EDEM1: variants seen among roughly 807,000 people sequenced by gnomAD.
EDEM1 encodes ER degradation-enhancing alpha-mannosidase-like protein 1.
A neutral mutation model predicts 74.4 loss-of-function variants in EDEM1; 67 were observed. The observed-to-expected ratio is 0.90, with a 90% CI of 0.74 to 1.10. The LOEUF (loss-of-function observed/expected upper bound fraction) is 1.10. Among genes scored for constraint, EDEM1 ranks in the 50% least tolerant of loss-of-function variants. The pLI is 0.00. For synonymous variants in EDEM1, 382 were observed against 335.9 expected, an observed-to-expected ratio of 1.14 and a Z score of -1.50; for missense variants, 926 against 851.6, an observed-to-expected ratio of 1.09 and a Z score of -1.09.
intron 2 of EDEM1, among the ~76,000 whole-genome samples, chr3:5,197,236 C>T (rs1195072671): frequency 6.6e-6 from 1 of 152,110 alleles, no homozygotes; most frequent in East Asian, 1.9e-4. Context: ...AACACAGATT[C>T]CAAAGATACT....
intron 4 of EDEM1, 47 bp from the exon 5 acceptor site, chr3:5,202,919 T>A (rs2055050562): frequency 6.3e-7 from 1 of 1,579,210 alleles, no homozygotes; most frequent in African/African-American, 1.4e-5. Context: ...TTCAGCTCTG[T>A]GGATTCCTTG....
intron 6 of EDEM1, among the ~76,000 whole-genome samples, chr3:5,206,181 C>T (rs992849047): frequency 2.0e-5 from 3 of 151,032 alleles, no homozygotes; most frequent in African/African-American, 4.9e-5. Flanking sequence ...GTGGCTTCTA[C>T]GTAGTGTCAC....
At chr3:5,200,264 T>G (rs1311004976) in intron 3 of EDEM1, among the ~76,000 whole-genome samples, 4 of 152,206 alleles carry the variant, frequency 2.6e-5, no homozygotes, top group Non-Finnish European at 5.9e-5. Flanking sequence ...GTAAAATAGG[T>G]GTCTGTCTAG....
intron 1 of EDEM1, among the ~76,000 whole-genome samples, chr3:5,191,033 C>T (rs2054896453): frequency 6.6e-6 from 1 of 152,018 alleles, no homozygotes; most frequent in African/African-American, 2.4e-5. Context: ...GTGTTACAAA[C>T]AATCCAATTA....
rs184281153 is a variant in EDEM1, at chr3:5,210,394, G to A, written c.1583+146G>A. The A allele has an allele frequency of 1.9e-4, 141 of 761,088 alleles. 3 individuals carry two copies. Among genetic ancestry groups the A allele is most frequent in the Admixed American group, 1.5e-3 (61 of 41,484 alleles). 47.1% of individuals were successfully genotyped at this position (761,088 alleles called of 1,614,324 possible). The stretch of plus-strand genomic sequence containing the variant: ...ACAGGGAAATTGCTTACCTTTTGGT[G>A]TAGTAGAACCTTTCCATTGTACTGA... On this transcript the variant is annotated intron_variant, in intron 9 of 11. Transcript: ENST00000256497.
Position 5,195,284 on chromosome 3 carries a change from A to G in EDEM1, c.582+3A>G, listed in dbSNP as rs1250334474. The G allele has an allele frequency of 5.8e-6, 9 of 1,543,586 alleles. No homozygotes were observed. Among genetic ancestry groups the G allele is most frequent in the African/African-American group, 2.7e-5 (2 of 72,930 alleles). Reference sequence around the variant, plus strand: ...TTGATGCATTGGATACACTTGCAGTAAGTGTTCACCTTTTTTTAAAAAAAT... The same window carrying G: ...TTGATGCATTGGATACACTTGCAGTGAGTGTTCACCTTTTTTTAAAAAAAT... On this transcript the variant is annotated splice_donor_region_variant and intron_variant, in intron 2 of 11. Coordinates refer to ENST00000256497, the MANE Select transcript of EDEM1 (RefSeq NM_014674.3).
At position 5,210,573 on chromosome 3, in the gene EDEM1, AG is replaced by A. The variant is rs148323685; in HGVS notation, c.1583+326del. ...TATTATCACTGTAATCTCCACATAC[AG>A]AGAAAACTGTAGTCAGTATTGAAAT... On this transcript the variant is annotated intron_variant, in intron 9 of 11. Transcript: ENST00000256497. Among the ~76,000 whole-genome samples the A allele has an allele frequency of 3.3e-3, 504 of 152,346 alleles. 4 individuals are homozygous for A. The highest frequency in any genetic ancestry group is 0.011 in the African/African-American group (453 of 41,580).
Position 5,195,277 on chromosome 3 carries a change from T to G in EDEM1, c.578T>G (p.Leu193Arg). The G allele has an allele frequency of 1.9e-6, 3 of 1,550,056 alleles. No homozygotes were observed. Residue 193 changes from leucine to arginine, a missense_variant, in exon 2 of 12, where the codon CTT becomes CGT. Coordinates refer to ENST00000256497, the MANE Select transcript of EDEM1 (RefSeq NM_014674.3). ...ACTCTTGTTGATGCATTGGATACACTTGCAGTAAGTGTTCACCTTTTTTTA... is the reference window on the plus strand; with the variant it reads ...ACTCTTGTTGATGCATTGGATACACGTGCAGTAAGTGTTCACCTTTTTTTA... ...SLTLVDALDT[L>R]AIMGNSSEFQ...
intron 1 of EDEM1, 77 bp from the exon 2 acceptor site, chr3:5,195,132 T>G (rs1054411021): frequency 1.0e-5 from 8 of 793,246 alleles, no homozygotes; most frequent in Non-Finnish European, 1.5e-5. Flanking sequence ...CAATTATAGT[T>G]TCTGATGGGT....
At position 5,211,054 on chromosome 3, in the gene EDEM1, GCTT is replaced by G. The variant is rs367858163; in HGVS notation, c.1584-62_1584-60del. ...ATTATTCTGATAAGAGAATGTTTCTGCTTCTTAAGTGAATCAGCAGGTGGGAAG... is the reference window on the plus strand; with the variant it reads ...ATTATTCTGATAAGAGAATGTTTCTGCTTAAGTGAATCAGCAGGTGGGAAG... On this transcript the variant is annotated intron_variant, in intron 9 of 11. Transcript: ENST00000256497. 20 of 1,411,008 alleles carry G rather than the reference GCTT, an allele frequency of 1.4e-5. No individual in the cohort carries two copies. In the African/African-American group the frequency reaches 1.6e-4, roughly 11 times the overall value. 87.4% of individuals were successfully genotyped at this position (1,411,008 alleles called of 1,614,324 possible). A position where few individuals can be genotyped will look rare whatever the true frequency, so the allele number is the denominator to read the frequency against.
intron 3 of EDEM1, 126 bp downstream of exon 3, chr3:5,199,821 CAG>C (rs1294273378): frequency 7.7e-5 from 48 of 622,856 alleles, no homozygotes; most frequent in Non-Finnish European, 1.2e-4. Context: ...TTTATGGGTG[CAG>C]TGTGCATTTT....
intron 9 of EDEM1, 114 bp downstream of exon 9, chr3:5,210,362 T>A: frequency 1.0e-6 from 1 of 984,332 alleles, no homozygotes; most frequent in Non-Finnish European, 1.5e-6. Context: ...TCATTAATGT[T>A]ACATTTACAG....
rs2106581633 is a variant in EDEM1, at chr3:5,188,244, G to A, written c.439G>A (p.Ala147Thr). Residue 147 changes from alanine to threonine, a missense_variant, in exon 1 of 12, where the codon GCT becomes ACT. By Grantham distance (58) the Ala-to-Thr change is moderately conservative. Transcript: ENST00000256497. ...MFVFGYDNYM[A>T]HAFPQDELNP... ...CGTCTTTGGCTACGACAACTACATG[G>A]CTCACGCCTTCCCCCAGGACGAGCT... 2.5e-6 allele frequency: 4 copies of A among 1,581,168 alleles called. No homozygotes were observed. The highest frequency in any genetic ancestry group is 1.4e-5 in the African/African-American group (1 of 71,722).
intron 10 of EDEM1, chr3:5,211,497 G>GT: frequency 2.9e-6 from 1 of 346,136 alleles, no homozygotes; most frequent in South Asian, 2.9e-5. Context: ...TGTTAGTTCT[G>GT]TATCTAACTA....
intron 1 of EDEM1, among the ~76,000 whole-genome samples, chr3:5,190,576 G>A (rs1446803029): frequency 6.6e-6 from 1 of 152,200 alleles, no homozygotes; most frequent in African/African-American, 2.4e-5. Context: ...GCCGATGAGT[G>A]TTTTGGTTTG....
chr3:5,214,315 C>T (rs1376311052), intron 11 of EDEM1, among the ~76,000 whole-genome samples: 10 of 152,188 alleles, frequency 6.6e-5, no homozygotes, highest in African/African-American at 9.7e-5. Context: ...CGGCAGCCTC[C>T]CCACAGATGG....
At chr3:5,190,003 G>T (rs115195728) in intron 1 of EDEM1, among the ~76,000 whole-genome samples, 1 of 18,452 alleles carries the variant, frequency 5.4e-5, no homozygotes, top group African/African-American at 6.6e-5. Context: ...TTTTTTTGGG[G>T]GGGGGGATAA....
Position 5,203,060 on chromosome 3 carries a change from G to A in EDEM1, c.953G>A (p.Arg318Gln), listed in dbSNP as rs765302743. The change falls in exon 5 of 12, where the codon CGA (arginine) becomes CAA (glutamine). Residue 318 changes from arginine (R) to glutamine (Q), a missense_variant. Coordinates refer to ENST00000256497, the MANE Select transcript of EDEM1 (RefSeq NM_014674.3). Reference protein sequence around the residue: ...SLLVEFGILSRLLGDSTFEWV... With the variant: ...SLLVEFGILSQLLGDSTFEWV... ...CTGGTGGAATTTGGGATTCTGAGTCGACTCCTGGGGGACTCCACATTTGAG... is the reference window on the plus strand; with the variant it reads ...CTGGTGGAATTTGGGATTCTGAGTCAACTCCTGGGGGACTCCACATTTGAG... 6 of 1,613,674 alleles carry A rather than the reference G, an allele frequency of 3.7e-6. No individual in the cohort carries two copies. In the African/African-American group the frequency reaches 6.7e-5, roughly 18 times the overall value.
At chr3:5,213,660 C>T (rs1347548508) in intron 11 of EDEM1, 138 bp downstream of exon 11, 2 of 809,400 alleles carry the variant, frequency 2.5e-6, no homozygotes, top group East Asian at 2.7e-5. Context: ...CTAAAGACAC[C>T]ATTTACATAG....
Sources: gnomAD v4.1 joint callset for allele counts (sites outside exome capture counted in the v4.1 genomes callset) on GRCh38, gnomAD v4.1.1 for gene constraint, MANE v1.5 for transcripts, NCBI Gene and HGNC (gene_info 2026-07-23, HGNC 2026-07-21) for gene names.